ORC2: variants seen among roughly 807,000 people sequenced by gnomAD.
The protein encoded by ORC2 is origin recognition complex protein 2 homolog.
ORC2 carries 37 observed loss-of-function variants against 77.7 expected under a neutral mutation model. That is an observed-to-expected ratio of 0.48 (90% CI 0.37 to 0.63). ORC2 has a LOEUF of 0.63. ORC2 is among the 20% of genes least tolerant of loss of function. ORC2 has a pLI of 0.00. For missense variants in ORC2, 557 were observed against 661.9 expected (o/e 0.84, Z 1.74); for synonymous variants, 201 against 229.5 (o/e 0.88, Z 1.12).
chr2:200,944,316 CAT>C (rs1352925930), intron 5 of ORC2, among the ~76,000 whole-genome samples: 2 of 152,008 alleles, frequency 1.3e-5, no homozygotes, highest in South Asian at 2.1e-4. Flanking sequence ...TGGGATTACA[CAT>C]GTGTGCCATC....
Position 200,957,932 on chromosome 2 carries a change from C to T in ORC2, c.94+98G>A, listed in dbSNP as rs901076318. On this transcript the variant is annotated intron_variant, in intron 3 of 17. Transcript: ENST00000234296. ...TTTTACTAACCAGATCAATCCTTTG[C>T]GCTATATTTTCAAAAGAAAATGTTA... The T allele has an allele frequency of 1.7e-3, 1,246 of 741,290 alleles. 13 individuals carry two copies. The highest frequency in any genetic ancestry group is 1.6e-4 in the Non-Finnish European group (71 of 442,036). 45.9% of individuals were successfully genotyped at this position (741,290 alleles called of 1,614,324 possible).
chr2:200,950,193 T>C (rs2041326194), intron 4 of ORC2, among the ~76,000 whole-genome samples: 1 of 152,040 alleles, frequency 6.6e-6, no homozygotes, highest in African/African-American at 2.4e-5. Context: ...TAGCCGGGCA[T>C]GGGGGCACAT....
chr2:200,941,758 A>G (rs753361622), intron 6 of ORC2, among the ~76,000 whole-genome samples: 4 of 152,172 alleles, frequency 2.6e-5, no homozygotes, highest in Non-Finnish European at 4.4e-5. Flanking sequence ...AGGCCAAGGC[A>G]GGAGGATCGC....
chr2:200,935,992 A>G, intron 8 of ORC2, 100 bp from the exon 9 acceptor site: 1 of 944,414 alleles, frequency 1.1e-6, no homozygotes, highest in Non-Finnish European at 1.5e-6. Context: ...AAGAGTCTGA[A>G]TTCTGGTTTT....
intron 5 of ORC2, among the ~76,000 whole-genome samples, chr2:200,948,075 A>AT (rs57958964): frequency 3.9e-4 from 57 of 146,034 alleles, no homozygotes; most frequent in Non-Finnish European, 5.9e-4. Context: ...CGCCTGGCTA[A>AT]TTTTTTTTTT....
intron 4 of ORC2, among the ~76,000 whole-genome samples, chr2:200,956,753 C>A (rs544402415): frequency 6.6e-6 from 1 of 152,218 alleles, no homozygotes; most frequent in South Asian, 2.1e-4. Flanking sequence ...ATCTGGGTGA[C>A]TGAGCAAGAC....
At chr2:200,942,830 A>G in intron 5 of ORC2, 53 bp from the exon 6 acceptor site, 1 of 1,092,558 alleles carries the variant, frequency 9.2e-7, no homozygotes, top group South Asian at 1.4e-5. Context: ...GTAGATAAAG[A>G]GGGAAATAAC....
At chr2:200,961,487 A>C (rs1234445419) in intron 1 of ORC2, among the ~76,000 whole-genome samples, 1 of 152,236 alleles carries the variant, frequency 6.6e-6, no homozygotes, top group Non-Finnish European at 1.5e-5. Context: ...AACCATTCAT[A>C]ATAGGTCTAA....
chr2:200,921,206 C>A, intron 13 of ORC2, 67 bp from the exon 14 acceptor site: 1 of 1,071,444 alleles, frequency 9.3e-7, no homozygotes, highest in Non-Finnish European at 1.3e-6. Context: ...GTTGCCTAGG[C>A]TAGAGTGCAG....
rs527659339 is a variant in ORC2, at chr2:200,940,666, G to T, written c.453+582C>A. Among the ~76,000 whole-genome samples the T allele has an allele frequency of 5.3e-5, 8 of 152,184 alleles. No individual in the cohort carries two copies. In the South Asian group the frequency reaches 1.7e-3, roughly 32 times the overall value. On this transcript the variant is annotated intron_variant, in intron 7 of 17. Coordinates refer to ENST00000234296, the MANE Select transcript of ORC2 (RefSeq NM_006190.5). ...AAAATACAAAAATTAGCCAGGCGTG[G>T]TGGTGCACACCTGTAATCCCAGCTA...
intron 15 of ORC2, 72 bp from the exon 16 acceptor site, chr2:200,914,064 T>A: frequency 1.1e-6 from 1 of 925,816 alleles, no homozygotes; most frequent in African/African-American, 1.7e-5. Flanking sequence ...AATAGTAAAA[T>A]ACACAAAGAA....
chr2:200,925,956 T>A, intron 12 of ORC2, 24 bp from the exon 13 acceptor site: 2 of 1,049,140 alleles, frequency 1.9e-6, no homozygotes, highest in Non-Finnish European at 2.9e-6. Flanking sequence ...GTGGAAGAGG[T>A]ACCACATTAA....
At chr2:200,930,766 T>A (rs890503534) in intron 11 of ORC2, among the ~76,000 whole-genome samples, 1 of 152,138 alleles carries the variant, frequency 6.6e-6, no homozygotes, top group African/African-American at 2.4e-5. Flanking sequence ...GAAAGTATTA[T>A]GTTTTGATTT....
chr2:200,955,169 A>G (rs138430708), intron 4 of ORC2, among the ~76,000 whole-genome samples: 1 of 152,196 alleles, frequency 6.6e-6, no homozygotes, highest in Non-Finnish European at 1.5e-5. Context: ...TTTTTAAGAG[A>G]CAATTTTTAT....
intron 9 of ORC2, 129 bp downstream of exon 9, chr2:200,935,570 G>T: frequency 1.5e-6 from 1 of 689,042 alleles, no homozygotes; most frequent in South Asian, 2.3e-5. Flanking sequence ...GAATTTATGT[G>T]GAAGGCTGAG....
At chr2:200,948,208 C>A (rs1454394936) in intron 5 of ORC2, among the ~76,000 whole-genome samples, 1 of 152,040 alleles carries the variant, frequency 6.6e-6, no homozygotes, top group Admixed American at 6.6e-5. Flanking sequence ...CCACTGCACC[C>A]AGCCTAATTT....
In ORC2 at chr2:200,925,939, C is replaced by T. The variant is rs781641079; in HGVS notation, c.1051-7G>A. 3.6e-6 allele frequency: 5 copies of T among 1,390,886 alleles called. No individual in the cohort carries two copies. The African/African-American group carries it at 5.7e-5, about 16-fold the overall frequency. 86.2% of individuals were successfully genotyped at this position (1,390,886 alleles called of 1,614,324 possible). The stretch of plus-strand genomic sequence containing the variant: ...CTGTTATAGAATTCAGGACCTATAT[C>T]ATGAATGTGGAAGAGGTACCACATT... On this transcript the variant is annotated splice_polypyrimidine_tract_variant and splice_region_variant and intron_variant, in intron 12 of 17. Coordinates refer to ENST00000234296, the MANE Select transcript of ORC2 (RefSeq NM_006190.5).
At chr2:200,945,876 A>G (rs192647654) in intron 5 of ORC2, among the ~76,000 whole-genome samples, 9 of 152,316 alleles carry the variant, frequency 5.9e-5, no homozygotes, top group Middle Eastern at 3.4e-3. Flanking sequence ...GGGAGTGCAG[A>G]TATCTCTTCG....
intron 5 of ORC2, among the ~76,000 whole-genome samples, chr2:200,943,832 T>C (rs1452655540): frequency 1.3e-5 from 2 of 152,006 alleles, no homozygotes; most frequent in African/African-American, 2.4e-5. Context: ...TCCCTTGATA[T>C]TAATTCCTCC....
Sources: allele counts gnomAD v4.1 joint callset (sites outside exome capture counted in the v4.1 genomes callset), GRCh38; gene constraint gnomAD v4.1.1; transcripts MANE v1.5; gene names NCBI Gene and HGNC (gene_info 2026-07-23, HGNC 2026-07-21).